GIPC1: variants seen among roughly 807,000 people sequenced by gnomAD.
The protein encoded by GIPC1 is PDZ domain-containing protein GIPC1.
GIPC1 carries 15 observed loss-of-function variants against 28.5 expected under a neutral mutation model. That is an observed-to-expected ratio of 0.53 (90% CI 0.35 to 0.81). The LOEUF is 0.81. Among genes scored for constraint, GIPC1 ranks in the 30% least tolerant of loss-of-function variants. The pLI is 0.01. For missense variants in GIPC1, 439 were observed against 481.9 expected (o/e 0.91, Z 0.83); for synonymous variants, 224 against 206.1 (o/e 1.09, Z -0.74).
chr19:14,496,121 C>T lies in GIPC1; in HGVS notation c.-259G>A. ...CACCCGGCTCGGCCCTCCGCAAACTCCAGACCGGGCCTCTCCCGCAGCGGC... is the reference window on the plus strand; with the variant it reads ...CACCCGGCTCGGCCCTCCGCAAACTTCAGACCGGGCCTCTCCCGCAGCGGC... On this transcript the variant is annotated 5_prime_UTR_variant, in exon 1 of 9. Transcript: ENST00000393033. The T allele has an allele frequency of 5.1e-6, 1 of 194,756 alleles. No homozygotes were observed. The highest frequency in any genetic ancestry group is 1.4e-4 in the East Asian group (1 of 7,308). The allele number at this position is 194,756 out of a possible 1,614,324, so 12.1% of individuals were successfully genotyped here. A position where few individuals can be genotyped will look rare whatever the true frequency, so the allele number is the denominator to read the frequency against.
intron 6 of GIPC1, 64 bp from the exon 7 acceptor site, chr19:14,479,588 A>AGGACAAGTT: frequency 1.2e-6 from 1 of 822,254 alleles, no homozygotes; most frequent in Non-Finnish European, 1.8e-6. Context: ...CTGGGCAGGA[A>AGGACAAGTT]CTTGTCCTTC....
intron 2 of GIPC1, 91 bp from the exon 3 acceptor site, chr19:14,491,834 G>C (rs1273193914): frequency 7.9e-5 from 12 of 152,244 alleles, no homozygotes; most frequent in African/African-American, 2.9e-4. Flanking sequence ...TGTCGGCCGG[G>C]TGTGGTGGCT....
chr19:14,494,692 T>C (rs1253020201), intron 1 of GIPC1, among the ~76,000 whole-genome samples: 1 of 152,212 alleles, frequency 6.6e-6, no homozygotes, highest in Non-Finnish European at 1.5e-5. Context: ...GTCCTCGTTC[T>C]GATTGCTCTC....
intron 3 of GIPC1, among the ~76,000 whole-genome samples, chr19:14,485,684 A>AATATATATAT (rs141749727): frequency 0.05 from 3,555 of 71,166 alleles, 114 homozygotes; most frequent in Non-Finnish European, 0.068. Flanking sequence ...TAAATAAACA[A>AATATATATAT]ATATATATAT....
At chr19:14,489,508 G>A in intron 3 of GIPC1, 1 of 904,470 alleles carries the variant, frequency 1.1e-6, no homozygotes. Context: ...TATGAACCTT[G>A]TGATAGATGA....
intron 2 of GIPC1, among the ~76,000 whole-genome samples, chr19:14,492,435 T>C (rs564019829): frequency 2.0e-5 from 3 of 148,644 alleles, no homozygotes; most frequent in East Asian, 3.9e-4. Context: ...GCCTCCCGAG[T>C]AGCTGGGACT....
At chr19:14,480,032 G>T in intron 6 of GIPC1, 1 of 576,170 alleles carries the variant, frequency 1.7e-6, no homozygotes, top group Non-Finnish European at 3.1e-6. Flanking sequence ...TGGGGATAGG[G>T]GGCTGGCCAG....
chr19:14,481,616 G>A (rs1004082510), intron 4 of GIPC1: 6 of 151,398 alleles, frequency 4.0e-5, no homozygotes, highest in Admixed American at 3.3e-4. Context: ...AGCTACTCGG[G>A]AGGCTGAGGC....
In GIPC1 at chr19:14,478,650, T is replaced by C; in HGVS notation, c.850+34A>G. On this transcript the variant is annotated intron_variant, in intron 8 of 8. Transcript: ENST00000393033. This position sits in a 1 kb window ranked among gnomAD's most constrained non-coding sequence, Gnocchi z 5.2. Reference sequence around the variant, plus strand: ...GGGTGGATTCGGCCCCCAGCAGACCTAGATGCCCCCTCCCCCAGGCAGCCC... The same window carrying C: ...GGGTGGATTCGGCCCCCAGCAGACCCAGATGCCCCCTCCCCCAGGCAGCCC... 6.2e-7 allele frequency: 1 copy of C among 1,611,218 alleles called. No homozygotes were observed. Among genetic ancestry groups the C allele is most frequent in the African/African-American group, 1.3e-5 (1 of 74,922 alleles).
At position 14,480,753 on chromosome 19, in the gene GIPC1, T is replaced by C; in HGVS notation, c.314A>G (p.His105Arg). ...CAGGAGCTTGTCCATGTCCACTTTGTGGGTGTTCAGGGTGCAGAACATCAC... is the reference window on the plus strand; with the variant it reads ...CAGGAGCTTGTCCATGTCCACTTTGCGGGTGTTCAGGGTGCAGAACATCAC... The part of the protein sequence containing the change: ...AEVMFCTLNT[H>R]KVDMDKLLGG... Residue 105 changes from histidine to arginine, a missense_variant, in exon 5 of 9, where the codon CAC (histidine) becomes CGC (arginine). By Grantham distance (29) the His-to-Arg change is conservative. Coordinates refer to ENST00000393033, the MANE Select transcript of GIPC1 (RefSeq NM_005716.4). 1 of 1,613,822 alleles carries C rather than the reference T, an allele frequency of 6.2e-7. No individual in the cohort carries two copies. The highest frequency in any genetic ancestry group is 2.2e-5 in the East Asian group (1 of 44,890).
chr19:14,491,471 C>G (rs1176132694), intron 3 of GIPC1, among the ~76,000 whole-genome samples, 185 bp downstream of exon 3: 1 of 151,986 alleles, frequency 6.6e-6, no homozygotes, highest in Non-Finnish European at 1.5e-5. Context: ...GTTGACCAGG[C>G]TGGTCTGGAA....
chr19:14,479,552 T>C, intron 6 of GIPC1, 28 bp from the exon 7 acceptor site: 1 of 1,227,090 alleles, frequency 8.1e-7, no homozygotes, highest in Non-Finnish European at 1.1e-6. Context: ...GGAGTGAGTG[T>C]GGGGGAAGCT....
rs560637636 is a variant in GIPC1, at chr19:14,480,106, C to T, written c.655+199G>A. On this transcript the variant is annotated intron_variant, in intron 6 of 8. Coordinates refer to ENST00000393033, the MANE Select transcript of GIPC1 (RefSeq NM_005716.4). ...CTAGGTGTGAGGGCAACTTCCTCCT[C>T]GCCCCCGCCCTTCTCCCAGGCTGGG... The T allele has an allele frequency of 3.0e-4, 178 of 600,330 alleles. 5 individuals are homozygous for T. The South Asian group carries it at 3.4e-3, about 11-fold the overall frequency. 37.2% of individuals were successfully genotyped at this position (600,330 alleles called of 1,614,324 possible).
Position 14,482,831 on chromosome 19 carries a change from G to T in GIPC1, c.146C>A (p.Pro49His), listed in dbSNP as rs2071760411. ...GCGGGGCCGCAGGGCTGGGGGAGGG[G>T]GGGGCAAGCCCATTTGGGGGCCCCC... The part of the protein sequence containing the change: ...GSGGPQMGLP[P>H]PPPALRPRLV... Residue 49 changes from proline to histidine, a missense_variant, in exon 4 of 9, where the codon CCC becomes CAC. Physicochemically the swap from Pro to His is moderately conservative, Grantham distance 77. Transcript: ENST00000393033. 2 of 1,579,602 alleles carry T rather than the reference G, an allele frequency of 1.3e-6. No individual in the cohort carries two copies. Among genetic ancestry groups the T allele is most frequent in the Non-Finnish European group, 1.7e-6 (2 of 1,163,494 alleles).
chr19:14,486,629 C>A (rs921184336), intron 3 of GIPC1, among the ~76,000 whole-genome samples: 9 of 152,008 alleles, frequency 5.9e-5, no homozygotes, highest in Non-Finnish European at 1.3e-4. Flanking sequence ...CAAATCTTTG[C>A]TGAATTCAGC....
chr19:14,493,682 G>A (rs928643185), intron 1 of GIPC1, among the ~76,000 whole-genome samples: 9 of 151,230 alleles, frequency 6.0e-5, no homozygotes, highest in African/African-American at 2.2e-4. Flanking sequence ...TTTTTGAGAC[G>A]GAGTTTCATT....
rs1599350285 is a variant in GIPC1 at position 14,482,151 on chromosome 19, C to G, written c.288+538G>C. 1.8e-5 allele frequency: 3 copies of G among 168,874 alleles called. No individual in the cohort carries two copies. The South Asian group carries it at 3.8e-4, about 22-fold the overall frequency. 10.5% of individuals were successfully genotyped at this position (168,874 alleles called of 1,614,324 possible). On this transcript the variant is annotated intron_variant, in intron 4 of 8. Transcript: ENST00000393033. ...GTGGCCATCAGCTCCCCACAATCTA[C>G]TGGGGTGCAGGCCTCCCAACGCCTG... is the stretch of plus-strand genomic sequence containing the variant.
At chr19:14,491,789 C>T (rs1031544862) in intron 2 of GIPC1, 46 bp from the exon 3 acceptor site, 2 of 152,248 alleles carry the variant, frequency 1.3e-5, no homozygotes, top group Admixed American at 6.6e-5. Flanking sequence ...TCTGACCCCT[C>T]CCCGGGCTCT....
At chr19:14,481,174 G>A (rs2071721143) in intron 4 of GIPC1, among the ~76,000 whole-genome samples, 1 of 152,102 alleles carries the variant, frequency 6.6e-6, no homozygotes, top group Non-Finnish European at 1.5e-5. Flanking sequence ...GTCTCACTAT[G>A]TTGCACAGGC....
Sources: gnomAD v4.1 joint callset for allele counts (sites outside exome capture counted in the v4.1 genomes callset) on GRCh38, gnomAD v4.1.1 for gene constraint, Gnocchi (gnomAD v3.1) non-coding constraint, MANE v1.5 for transcripts, NCBI Gene and HGNC (gene_info 2026-07-23, HGNC 2026-07-21) for gene names.